CPQ: variants seen among roughly 807,000 people sequenced by gnomAD.
CPQ encodes the protein Ser-Met dipeptidase.
A neutral mutation model predicts 45.7 loss-of-function variants in CPQ; 37 were observed. That is an observed-to-expected ratio of 0.81 (90% CI 0.62 to 1.07). CPQ has a LOEUF of 1.07. Ranked by LOEUF, CPQ falls within the 50% of genes least tolerant of loss-of-function variation. The pLI is 0.00. For missense variants in CPQ, 537 were observed against 572.9 expected, an observed-to-expected ratio of 0.94 and a Z score of 0.64; for synonymous variants, 186 against 205.8, an observed-to-expected ratio of 0.90 and a Z score of 0.82.
At chr8:96,785,664 G>T (rs532343801) in intron 2 of CPQ, among the ~76,000 whole-genome samples, 8 of 152,248 alleles carry the variant, frequency 5.3e-5, no homozygotes, top group Admixed American at 4.6e-4. Context: ...CAAAAACGAT[G>T]ACTTCTTCCA....
intron 2 of CPQ, among the ~76,000 whole-genome samples, chr8:96,834,476 C>T (rs1236409604): frequency 1.3e-5 from 2 of 152,130 alleles, no homozygotes; most frequent in Non-Finnish European, 2.9e-5. Context: ...CATTTATGAA[C>T]AACATTGGCT....
intron 1 of CPQ, among the ~76,000 whole-genome samples, chr8:96,681,597 G>A (rs565936548): frequency 2.0e-5 from 3 of 152,352 alleles, no homozygotes; most frequent in East Asian, 1.9e-4. Flanking sequence ...GGAAAAAAAT[G>A]TGGGGTTGGA....
intron 7 of CPQ, among the ~76,000 whole-genome samples, chr8:97,113,400 G>A (rs1296606914): frequency 6.6e-6 from 1 of 152,166 alleles, no homozygotes; most frequent in Admixed American, 6.5e-5. Context: ...TTAGAATGAA[G>A]AGGATGAGTG....
At chr8:96,799,528 G>C (rs1296895709) in intron 2 of CPQ, among the ~76,000 whole-genome samples, 1 of 152,114 alleles carries the variant, frequency 6.6e-6, no homozygotes, top group African/African-American at 2.4e-5. Flanking sequence ...TAGACAGCCT[G>C]TATCCACAGA....
chr8:96,773,059 TG>T (rs1048132399), intron 1 of CPQ, among the ~76,000 whole-genome samples: 4 of 152,200 alleles, frequency 2.6e-5, no homozygotes, highest in Admixed American at 2.6e-4. Context: ...GTCCCAGGTC[TG>T]TTTACTCCCT....
chr8:96,925,978 G>T (rs1361045256), intron 4 of CPQ, among the ~76,000 whole-genome samples: 1 of 152,154 alleles, frequency 6.6e-6, no homozygotes, highest in Non-Finnish European at 1.5e-5. Context: ...ATGAGCCACC[G>T]CGCCCGGCTG....
In CPQ at chr8:96,752,181, T is replaced by G. The variant is rs976771921; in HGVS notation, c.-34-32683T>G. Among the ~76,000 whole-genome samples the G allele has an allele frequency of 7.9e-5, 12 of 152,288 alleles. 1 individual carries two copies. Among genetic ancestry groups the G allele is most frequent in the Admixed American group, 7.9e-4 (12 of 15,282 alleles). On this transcript the variant is annotated intron_variant, in intron 1 of 7. Coordinates refer to ENST00000220763, the MANE Select transcript of CPQ (RefSeq NM_016134.4). Reference sequence around the variant, plus strand: ...TAATTCTGTGAAGAATGTCGGTAGTTTAATGGAAATAGCATTGAATCTTTA... The same window carrying G: ...TAATTCTGTGAAGAATGTCGGTAGTGTAATGGAAATAGCATTGAATCTTTA...
chr8:96,783,374 T>G (rs776204342), intron 1 of CPQ, among the ~76,000 whole-genome samples: 44 of 151,920 alleles, frequency 2.9e-4, no homozygotes, highest in Non-Finnish European at 5.6e-4. Flanking sequence ...AGTCCAAGAA[T>G]GAGGGGCCAC....
At chr8:96,862,607 T>G (rs1354279715) in intron 3 of CPQ, among the ~76,000 whole-genome samples, 1 of 152,024 alleles carries the variant, frequency 6.6e-6, no homozygotes, top group East Asian at 1.9e-4. Context: ...CAGTGCTGAT[T>G]CTAGATATAT....
At chr8:97,015,986 G>GTTGT (rs1262768881) in intron 5 of CPQ, among the ~76,000 whole-genome samples, 1 of 151,812 alleles carries the variant, frequency 6.6e-6, no homozygotes, top group Non-Finnish European at 1.5e-5. Context: ...ATTCTTACAA[G>GTTGT]TTGTTTTGGT....
At chr8:97,031,243 GT>G (rs1809901099) in intron 6 of CPQ, among the ~76,000 whole-genome samples, 1 of 146,622 alleles carries the variant, frequency 6.8e-6, no homozygotes, top group East Asian at 2.0e-4. Flanking sequence ...CTGGAGTGGA[GT>G]GGCACCATCT....
intron 4 of CPQ, among the ~76,000 whole-genome samples, chr8:96,924,633 GA>G (rs1563530253): frequency 6.6e-6 from 1 of 152,050 alleles, no homozygotes; most frequent in Non-Finnish European, 1.5e-5. Context: ...TGGTGTTTTC[GA>G]AAGCAGACAC....
At chr8:96,777,692 T>C (rs1810623907) in intron 1 of CPQ, among the ~76,000 whole-genome samples, 2 of 140,692 alleles carry the variant, frequency 1.4e-5, no homozygotes, top group South Asian at 2.3e-4. Context: ...AATTTTCCTA[T>C]GTATGGTGAC....
At chr8:96,681,845 G>A (rs1377079767) in intron 1 of CPQ, among the ~76,000 whole-genome samples, 2 of 152,216 alleles carry the variant, frequency 1.3e-5, no homozygotes, top group Non-Finnish European at 2.9e-5. Flanking sequence ...CTGGATGTGA[G>A]ACATGGAGTC....
chr8:96,964,075 T>C (rs10106679), intron 4 of CPQ, among the ~76,000 whole-genome samples: 10,818 of 147,970 alleles, frequency 0.073, 736 homozygotes, highest in African/African-American at 0.18. Context: ...TCAGCAGACA[T>C]TTCATGAGTT....
chr8:96,703,252 T>C (rs926592080), intron 1 of CPQ, among the ~76,000 whole-genome samples: 1 of 152,180 alleles, frequency 6.6e-6, no homozygotes, highest in African/African-American at 2.4e-5. Flanking sequence ...GCAAAGATTA[T>C]AATAAATATG....
At position 96,785,145 on chromosome 8, in the gene CPQ, A is replaced by G; in HGVS notation, c.248A>G (p.Asn83Ser). The G allele has an allele frequency of 1.2e-6, 2 of 1,613,704 alleles. No individual in the cohort carries two copies. The highest frequency in any genetic ancestry group is 1.7e-6 in the Non-Finnish European group (2 of 1,179,806). Residue 83 changes from asparagine to serine, a missense_variant, in exon 2 of 8, where the codon AAC (asparagine) becomes AGC (serine). Physicochemically the swap from Asn to Ser is conservative, Grantham distance 46. Transcript: ENST00000220763. ...TVGPRLSGSK[N>S]LEKAIQIMYQ... ...GGACCCAGACTGAGTGGCTCCAAGA[A>G]CCTAGAAAAAGCCATCCAAATTATG...
At chr8:96,740,954 G>C (rs575005030) in intron 1 of CPQ, among the ~76,000 whole-genome samples, 44 of 152,218 alleles carry the variant, frequency 2.9e-4, no homozygotes, top group African/African-American at 1.0e-3. Context: ...CCCATCTTTG[G>C]TATCAGGATG....
Position 96,784,980 on chromosome 8 carries a change from T to C in CPQ, c.83T>C (p.Ile28Thr), listed in dbSNP as rs1273275511. ...GGGAAAGCTATATGCAAGAATGGCATCTCTAAGAGGACTTTTGAAGAAATA... is the reference window on the plus strand; with the variant it reads ...GGGAAAGCTATATGCAAGAATGGCACCTCTAAGAGGACTTTTGAAGAAATA... ...CSGKAICKNG[I>T]SKRTFEEIKE... Residue 28 changes from isoleucine (I) to threonine (T), a missense_variant, in exon 2 of 8, where the codon ATC (isoleucine) becomes ACC (threonine). Transcript: ENST00000220763. 6.2e-7 allele frequency: 1 copy of C among 1,613,832 alleles called. No individual in the cohort carries two copies. The highest frequency in any genetic ancestry group is 8.5e-7 in the Non-Finnish European group (1 of 1,179,810).
Sources: allele counts gnomAD v4.1 joint callset (sites outside exome capture counted in the v4.1 genomes callset), GRCh38; gene constraint gnomAD v4.1.1; transcripts MANE v1.5; gene names NCBI Gene and HGNC (gene_info 2026-07-23, HGNC 2026-07-21).